The following ENTPD1 variants were observed in gnomAD, a reference collection of about 807,000 sequenced individuals.
ENTPD1 encodes the protein ectonucleoside triphosphate diphosphohydrolase 1.
A neutral mutation model predicts 57.0 loss-of-function variants in ENTPD1; 33 were observed. That is an observed-to-expected ratio of 0.58 (90% CI 0.44 to 0.77). The LOEUF (loss-of-function observed/expected upper bound fraction) is 0.77. Ranked by LOEUF, ENTPD1 falls within the 30% of genes least tolerant of loss-of-function variation. The pLI is 0.00. For synonymous variants in ENTPD1, 202 were observed against 218.8 expected (o/e 0.92, Z 0.68); for missense variants, 501 against 603.4 (o/e 0.83, Z 1.78).
At chr10:95,857,805 G>C (rs980717046) in intron 7 of ENTPD1, among the ~76,000 whole-genome samples, 28 of 152,298 alleles carry the variant, frequency 1.8e-4, no homozygotes, top group Non-Finnish European at 3.5e-4. Flanking sequence ...TGGCATTCTA[G>C]AAAGCAGGCA....
upstream of ENTPD1, chr10:95,753,440 A>G (rs41291574): frequency 6.6e-6 from 1 of 152,352 alleles, no homozygotes; most frequent in Non-Finnish European, 1.5e-5. Context: ...TGTAATATGA[A>G]TTAGGGGTTA....
rs1337231624 is a variant in ENTPD1 at position 95,756,193 on chromosome 10, G to GC, written c.-47_-46insC. On this transcript the variant is annotated 5_prime_UTR_variant, in exon 1 of 10. Coordinates refer to ENST00000371205, the MANE Select transcript of ENTPD1 (RefSeq NM_001776.6). ...GACGGACCACAGCAAGCAGAGGCTG[G>GC]GGGGGGGAAAGACGAGGAAAGAGGA... 3 of 1,577,856 alleles carry GC rather than the reference G, an allele frequency of 1.9e-6. No homozygotes were observed. The highest frequency in any genetic ancestry group is 1.8e-5 in the Admixed American group (1 of 55,172).
intron 1 of ENTPD1, among the ~76,000 whole-genome samples, chr10:95,742,022 G>C (rs940358327): frequency 6.6e-5 from 10 of 152,166 alleles, no homozygotes; most frequent in African/African-American, 2.2e-4. Context: ...GCTTCCTGCT[G>C]TAGACTGTTC....
At chr10:95,780,112 G>A (rs964897242) in intron 1 of ENTPD1, among the ~76,000 whole-genome samples, 12 of 152,132 alleles carry the variant, frequency 7.9e-5, no homozygotes, top group Non-Finnish European at 1.5e-4. Context: ...TATATAATCT[G>A]CTGAGGTGTA....
chr10:95,868,229 A>AC lies in ENTPD1; in HGVS notation c.*1846_*1847insC. ...AAAGCCTACCATGTACCTAACCTTT[A>AC]TTTTCTTTCCCGAACATACCAGGCT... On this transcript the variant is annotated 3_prime_UTR_variant, in exon 10 of 10. Coordinates refer to ENST00000371205, the MANE Select transcript of ENTPD1 (RefSeq NM_001776.6). 1.0e-6 allele frequency: 1 copy of AC among 985,426 alleles called. No homozygotes were observed. The highest frequency in any genetic ancestry group is 1.7e-5 in the African/African-American group (1 of 57,354). 61.0% of individuals were successfully genotyped at this position (985,426 alleles called of 1,614,324 possible). A position where few individuals can be genotyped will look rare whatever the true frequency, so the allele number is the denominator to read the frequency against.
At chr10:95,696,633 T>C in the ENTPD1 span, among the ~76,000 whole-genome samples, 1 of 152,202 alleles carries the variant, frequency 6.6e-6, no homozygotes, top group Non-Finnish European at 1.5e-5. Context: ...CTCTCAATAC[T>C]TTTGAGATCC....
At chr10:95,751,736 G>C (rs1009990266), upstream of ENTPD1, among the ~76,000 whole-genome samples, 2 of 151,986 alleles carry the variant, frequency 1.3e-5, no homozygotes, top group African/African-American at 4.8e-5. Flanking sequence ...AAAAAGTAGG[G>C]AATACTGGTA....
rs2098480765 is a variant in ENTPD1, at chr10:95,871,789, A to AGCAACTT, written c.*5406_*5407insGCAACTT. 2 of 985,334 alleles carry AGCAACTT rather than the reference A, an allele frequency of 2.0e-6. No homozygotes were observed. Among genetic ancestry groups the AGCAACTT allele is most frequent in the Non-Finnish European group, 2.4e-6 (2 of 829,936 alleles). 61.0% of individuals were successfully genotyped at this position (985,334 alleles called of 1,614,324 possible). A position where few individuals can be genotyped will look rare whatever the true frequency, so the allele number is the denominator to read the frequency against. On this transcript the variant is annotated 3_prime_UTR_variant, in exon 10 of 10. Coordinates refer to ENST00000371205, the MANE Select transcript of ENTPD1 (RefSeq NM_001776.6). ...TTGTTTTTATAACCCCTTTGCATGT[A>AGCAACTT]TGTTGAATAGCAAAGTTCATCAGAG...
At chr10:95,850,557 G>A (rs2098443246) in intron 7 of ENTPD1, among the ~76,000 whole-genome samples, 1 of 152,122 alleles carries the variant, frequency 6.6e-6, no homozygotes, top group South Asian at 2.1e-4. Flanking sequence ...CATGGTGTAA[G>A]TAGTTCTACC....
At chr10:95,779,208 A>G (rs1288981250) in intron 1 of ENTPD1, among the ~76,000 whole-genome samples, 1 of 152,184 alleles carries the variant, frequency 6.6e-6, no homozygotes, top group Non-Finnish European at 1.5e-5. Flanking sequence ...CCTGTAGACC[A>G]TAGAGATCCT....
chr10:95,819,607 G>C (rs2140516677), intron 1 of ENTPD1, among the ~76,000 whole-genome samples: 1 of 152,146 alleles, frequency 6.6e-6, no homozygotes, highest in Middle Eastern at 3.4e-3. Context: ...ACAGCTAATT[G>C]GCTTGAAATC....
intron 1 of ENTPD1, among the ~76,000 whole-genome samples, chr10:95,721,777 C>T (rs1223121705): frequency 2.0e-5 from 3 of 151,990 alleles, no homozygotes; most frequent in Non-Finnish European, 4.4e-5. Context: ...ATGCTTATTG[C>T]TTTCCAGGGT....
chr10:95,823,190 G>A, intron 1 of ENTPD1, 47 bp from the exon 2 acceptor site: 1 of 1,611,232 alleles, frequency 6.2e-7, no homozygotes, highest in East Asian at 2.2e-5. Flanking sequence ...GAAAATCAGT[G>A]TTTTTGATTT....
chr10:95,864,237 C>T (rs2098470150), intron 8 of ENTPD1, among the ~76,000 whole-genome samples: 1 of 152,172 alleles, frequency 6.6e-6, no homozygotes, highest in South Asian at 2.1e-4. Context: ...ACCTGGGAAT[C>T]ATATTGGGAT....
At chr10:95,818,446 G>A (rs1182962682) in intron 1 of ENTPD1, among the ~76,000 whole-genome samples, 6 of 152,174 alleles carry the variant, frequency 3.9e-5, no homozygotes, top group Non-Finnish European at 7.3e-5. Context: ...TTCTTGATAA[G>A]GTAGAGTCTT....
intron 1 of ENTPD1, among the ~76,000 whole-genome samples, chr10:95,765,600 G>C (rs763255224): frequency 3.9e-5 from 6 of 152,138 alleles, no homozygotes; most frequent in Non-Finnish European, 8.8e-5. Context: ...TTGGTAGTAA[G>C]TTTTGAAATC....
intron 7 of ENTPD1, among the ~76,000 whole-genome samples, chr10:95,854,735 G>A (rs2098451496): frequency 6.6e-6 from 1 of 152,120 alleles, no homozygotes; most frequent in African/African-American, 2.4e-5. Flanking sequence ...CCATGTAGTT[G>A]AGCAGTTTTG....
At chr10:95,845,974 CAG>C (rs76897846) in intron 6 of ENTPD1, 50,281 of 194,366 alleles carry the variant, frequency 0.26, 7,701 homozygotes, top group Admixed American at 0.39. Flanking sequence ...TACAAAAAAA[CAG>C]AGTTGTTAGA....
At chr10:95,803,064 T>C (rs1333767729) in intron 1 of ENTPD1, among the ~76,000 whole-genome samples, 1 of 152,170 alleles carries the variant, frequency 6.6e-6, no homozygotes, top group Non-Finnish European at 1.5e-5. Flanking sequence ...CCATATGAAT[T>C]TTAAAATAGT....
Sources: gnomAD v4.1 joint callset for allele counts (sites outside exome capture counted in the v4.1 genomes callset) on GRCh38, gnomAD v4.1.1 for gene constraint, MANE v1.5 for transcripts, NCBI Gene and HGNC (gene_info 2026-07-23, HGNC 2026-07-21) for gene names.